The following TJP2 variants were observed in gnomAD, a reference collection of about 807,000 sequenced individuals.
TJP2 encodes the protein Friedreich ataxia region gene X104 (tight junction protein ZO-2).
Under a neutral mutation model 133.1 loss-of-function variants are expected in TJP2, and 91 were observed. The ratio of observed to expected loss-of-function variants is 0.68; its 90% CI spans 0.58 to 0.81. TJP2 has a LOEUF of 0.81. TJP2 is among the 40% of genes least tolerant of loss of function. The probability of loss-of-function intolerance (pLI) is 0.00; values close to 1 mark genes in which losing one functional copy is unlikely to be tolerated. For synonymous variants in TJP2, 592 were observed against 583.4 expected, an observed-to-expected ratio of 1.01 and a Z score of -0.21; for missense variants, 1,541 against 1,565.6, an observed-to-expected ratio of 0.98 and a Z score of 0.26.
intron 2 of TJP2, among the ~76,000 whole-genome samples, chr9:69,165,254 A>G (rs1268683150): frequency 6.6e-6 from 1 of 152,168 alleles, no homozygotes; most frequent in African/African-American, 2.4e-5. Context: ...CAGCCTCTGG[A>G]GTAGCTGGGA....
At chr9:69,163,442 C>T (rs1476441189) in intron 2 of TJP2, among the ~76,000 whole-genome samples, 1 of 152,106 alleles carries the variant, frequency 6.6e-6, no homozygotes, top group Non-Finnish European at 1.5e-5. Flanking sequence ...TCAAGACCAG[C>T]CTGGGTAACA....
At chr9:69,253,290 C>A in intron 22 of TJP2, 1 of 267,176 alleles carries the variant, frequency 3.7e-6, no homozygotes, top group South Asian at 4.9e-5. Context: ...AGTCAGACCG[C>A]TTGTGCTGCC....
intron 5 of TJP2, among the ~76,000 whole-genome samples, chr9:69,222,496 T>C (rs1000324322): frequency 2.0e-5 from 3 of 152,226 alleles, no homozygotes; most frequent in South Asian, 2.1e-4. Flanking sequence ...TTAACCAGCA[T>C]TGTACCCAGC....
chr9:69,172,879 G>T (rs1437495274), upstream of TJP2, among the ~76,000 whole-genome samples: 1 of 152,066 alleles, frequency 6.6e-6, no homozygotes, highest in Admixed American at 6.6e-5. Flanking sequence ...GGCCAGATTT[G>T]GGAAACATTT....
chr9:69,247,991 G>A (rs372881973), intron 18 of TJP2, 21 bp from the exon 19 acceptor site: 25 of 1,574,616 alleles, frequency 1.6e-5, no homozygotes, highest in Middle Eastern at 3.4e-4. Context: ...CCCACTGACC[G>A]TCCAACACAA....
At chr9:69,137,287 CTTT>C (rs1822804149) in intron 1 of TJP2, among the ~76,000 whole-genome samples, 1 of 88,142 alleles carries the variant, frequency 1.1e-5, no homozygotes, top group South Asian at 3.6e-4. Context: ...TTCTTTCTTT[CTTT>C]CTTTCTTTCT....
intron 5 of TJP2, among the ~76,000 whole-genome samples, chr9:69,224,982 C>A (rs1459874834): frequency 2.0e-5 from 3 of 152,062 alleles, no homozygotes; most frequent in Non-Finnish European, 4.4e-5. Context: ...CATTAATATC[C>A]CTTTCATATA....
chr9:69,209,540 G>A (rs1827700989), intron 1 of TJP2, among the ~76,000 whole-genome samples: 1 of 151,966 alleles, frequency 6.6e-6, no homozygotes, highest in Non-Finnish European at 1.5e-5. Flanking sequence ...GATCATCTAA[G>A]GTTGGGAGTT....
chr9:69,228,942 G>C (rs796399931), intron 9 of TJP2, among the ~76,000 whole-genome samples: 29 of 152,234 alleles, frequency 1.9e-4, no homozygotes, highest in African/African-American at 6.7e-4. Context: ...AAAATTCTAT[G>C]TTCTTGTGCA....
chr9:69,191,793 G>C (rs1020757827), intron 1 of TJP2, among the ~76,000 whole-genome samples: 1 of 151,822 alleles, frequency 6.6e-6, no homozygotes, highest in Non-Finnish European at 1.5e-5. Context: ...CTGGAGTGCA[G>C]TGGCATGATC....
intron 1 of TJP2, among the ~76,000 whole-genome samples, chr9:69,125,110 G>A (rs1281964703): frequency 1.4e-5 from 1 of 73,654 alleles, no homozygotes; most frequent in Non-Finnish European, 3.1e-5. Flanking sequence ...GTGCCACCAC[G>A]CTTAGCTAAT....
intron 2 of TJP2, among the ~76,000 whole-genome samples, chr9:69,214,025 A>G (rs1828152276): frequency 6.6e-6 from 1 of 152,158 alleles, no homozygotes; most frequent in Non-Finnish European, 1.5e-5. Flanking sequence ...ATATAATCGA[A>G]CCCAGATTTA....
At chr9:69,209,391 C>A (rs1389952808) in intron 1 of TJP2, among the ~76,000 whole-genome samples, 2 of 152,178 alleles carry the variant, frequency 1.3e-5, no homozygotes, top group African/African-American at 4.8e-5. Flanking sequence ...GCCTTGGCCT[C>A]CCAAAGTGTT....
Position 69,236,976 on chromosome 9 carries a change from T to C in TJP2, c.2019T>C (p.Asn673=). Residue 673 remains asparagine, a synonymous_variant, in exon 14 of 23, where the codon AAT becomes AAC. Transcript: ENST00000377245. Reference sequence around the variant, plus strand: ...CTGAACAAATGGCCAGTGTTCAAAATGCCCAGAGAGACAACGCTGGGGACC... The same window carrying C: ...CTGAACAAATGGCCAGTGTTCAAAACGCCCAGAGAGACAACGCTGGGGACC... ...SRAEQMASVQ[N]AQRDNAGDRA... 1 of 1,614,206 alleles carries C rather than the reference T, an allele frequency of 6.2e-7. No individual in the cohort carries two copies. The highest frequency in any genetic ancestry group is 8.5e-7 in the Non-Finnish European group (1 of 1,180,034).
chr9:69,252,623 A>G (rs1831418278), intron 21 of TJP2, among the ~76,000 whole-genome samples, 192 bp from the exon 22 acceptor site: 1 of 152,106 alleles, frequency 6.6e-6, no homozygotes, highest in Admixed American at 6.5e-5. Flanking sequence ...CCTTTTAAAT[A>G]GTTTTCCTGT....
rs1563926513 is a variant in TJP2, at chr9:69,221,372, T to C, written c.828T>C (p.Asp276=). ...SPEYRRGARH[D]ARSRGPRSRS... is the part of the protein sequence containing the mutation. ...AGTACAGGCGCGGGGCCCGCCACGATGCCCGCTCTCGGGGACCCCGAAGCC... is the reference window on the plus strand; with the variant it reads ...AGTACAGGCGCGGGGCCCGCCACGACGCCCGCTCTCGGGGACCCCGAAGCC... Residue 276 remains aspartate, a synonymous_variant, in exon 5 of 23, where the codon GAT becomes GAC. Transcript: ENST00000377245. The C allele has an allele frequency of 1.3e-6, 2 of 1,584,272 alleles. No individual in the cohort carries two copies. The highest frequency in any genetic ancestry group is 1.7e-6 in the Non-Finnish European group (2 of 1,166,048).
intron 1 of TJP2, among the ~76,000 whole-genome samples, chr9:69,203,617 T>TTTTTTTTC: frequency 7.4e-6 from 1 of 134,324 alleles, no homozygotes; most frequent in Admixed American, 7.9e-5. Context: ...ATTTTTTTTT[T>TTTTTTTTC]TTTTTTTTTT....
At chr9:69,196,946 T>TACAC (rs746386691) in intron 1 of TJP2, among the ~76,000 whole-genome samples, 1,955 of 134,200 alleles carry the variant, frequency 0.015, 45 homozygotes, top group African/African-American at 0.042. Context: ...TGTGTGTGTG[T>TACAC]ACACACACAC....
chr9:69,170,247 T>C (rs73449157), upstream of TJP2, among the ~76,000 whole-genome samples: 288 of 152,290 alleles, frequency 1.9e-3, 3 homozygotes, highest in African/African-American at 6.8e-3. Flanking sequence ...AAAAGAAAAA[T>C]ATATGCACAA....
Sources: allele counts gnomAD v4.1 joint callset (sites outside exome capture counted in the v4.1 genomes callset), GRCh38; gene constraint gnomAD v4.1.1; transcripts MANE v1.5; gene names NCBI Gene and HGNC (gene_info 2026-07-23, HGNC 2026-07-21).